Variants in FLII observed in about 807,000 individuals in gnomAD.
The protein encoded by FLII is FLII actin remodeling protein.
A neutral mutation model predicts 156.2 loss-of-function variants in FLII; 101 were observed. The observed-to-expected ratio is 0.65, with a 90% CI of 0.55 to 0.76. FLII has a LOEUF of 0.76. FLII is among the 30% of genes least tolerant of loss of function. The pLI is 0.00. For missense variants in FLII, 1,675 were observed against 1,682.8 expected (o/e 1.00, Z 0.08); for synonymous variants, 767 against 685.8 (o/e 1.12, Z -1.85).
At chr17:18,254,466 C>G in intron 6 of FLII, 55 bp downstream of exon 6, 1 of 1,525,714 alleles carries the variant, frequency 6.6e-7, no homozygotes, top group South Asian at 1.2e-5. Flanking sequence ...TGAAGGGGCC[C>G]GGCCAGACTC....
rs1454971563 is a variant in FLII, at chr17:18,245,971, A to G, written c.3359T>C (p.Ile1120Thr). Residue 1120 changes from isoleucine to threonine, a missense_variant, in exon 26 of 30, where the codon ATC becomes ACC. Ile to Thr is a moderately conservative substitution (Grantham distance 89). Transcript: ENST00000327031. ...GGAGGTGTCAAACATGGTGTTCAGG[A>G]TGTCTTCTGCCAACTTGGCTTCGTC... ...DPDEAKLAED[I>T]LNTMFDTSYS... 6.2e-7 allele frequency: 1 copy of G among 1,613,956 alleles called. No homozygotes were observed.
chr17:18,256,885 C>T, intron 2 of FLII, 24 bp downstream of exon 2: 4 of 1,525,328 alleles, frequency 2.6e-6, no homozygotes, highest in East Asian at 2.4e-5. Context: ...AGGGACCCTC[C>T]CCTGCCCGCC....
rs755706636 is a variant in FLII, at chr17:18,245,441, T to G, written c.3610-22A>C. ...AGACCTGTGGGGGCAGCAGGGGAGATACGGTTGCATGGGTGCCTGGGAACA... is the reference window on the plus strand; with the variant it reads ...AGACCTGTGGGGGCAGCAGGGGAGAGACGGTTGCATGGGTGCCTGGGAACA... On this transcript the variant is annotated intron_variant, in intron 28 of 29. Transcript: ENST00000327031. 12 of 1,613,564 alleles carry G rather than the reference T, an allele frequency of 7.4e-6. No homozygotes were observed. In the Admixed American group the frequency reaches 2.0e-4, roughly 27 times the overall value.
In FLII at chr17:18,245,924, GCCT is replaced by G; in HGVS notation, c.3396+7_3396+9del. 6.2e-7 allele frequency: 1 copy of G among 1,613,908 alleles called. No individual in the cohort carries two copies. Among genetic ancestry groups the G allele is most frequent in the Non-Finnish European group, 8.5e-7 (1 of 1,179,936 alleles). ...TCTGTGTGTGCCCGCCTGCCCGCCC[GCCT>G]CCTGACCTGCTTGCTGTAGGAGGTG... is the stretch of plus-strand genomic sequence containing the variant. On this transcript the variant is annotated splice_region_variant and intron_variant, in intron 26 of 29. Transcript: ENST00000327031.
intron 14 of FLII, 93 bp downstream of exon 14, chr17:18,250,745 C>T: frequency 7.3e-7 from 1 of 1,371,624 alleles, no homozygotes; most frequent in Non-Finnish European, 1.0e-6. Flanking sequence ...GCCTGCCCAC[C>T]TGTTCTGCCT....
intron 9 of FLII, among the ~76,000 whole-genome samples, chr17:18,252,770 TCATGTGGCCTTG>T (rs1238561056): frequency 6.6e-6 from 1 of 152,224 alleles, no homozygotes; most frequent in Non-Finnish European, 1.5e-5. Context: ...CGTTCCCACG[TCATGTGGCCTTG>T]TCCCTAACAG....
chr17:18,258,601 G>A lies in FLII; in HGVS notation c.63+27C>T. Reference sequence around the variant, plus strand: ...GGCGGAAGAGAAGGCCTGCAGGGAGGCCCGGCACGCGCCCGGCCCGGCTCA... The same window carrying A: ...GGCGGAAGAGAAGGCCTGCAGGGAGACCCGGCACGCGCCCGGCCCGGCTCA... On this transcript the variant is annotated intron_variant, in intron 1 of 29. Coordinates refer to ENST00000327031, the MANE Select transcript of FLII (RefSeq NM_002018.4). This position sits in a 1 kb window ranked among gnomAD's most constrained non-coding sequence, Gnocchi z 4.2. 6.5e-7 allele frequency: 1 copy of A among 1,545,506 alleles called. No individual in the cohort carries two copies. Among genetic ancestry groups the A allele is most frequent in the Non-Finnish European group, 8.7e-7 (1 of 1,155,036 alleles).
Position 18,251,451 on chromosome 17 carries a change from GCTGGGGGCCCGGGCATCTGCGCTCTC to G in FLII, c.1384_1409del (p.Glu462ArgfsTer16). On this transcript the variant is annotated frameshift_variant and splice_region_variant, in exon 13 of 30. Transcript: ENST00000327031. LOFTEE classifies it high-confidence loss of function. ...CCTGGTCCCAACGCCGCACCTTCCC[GCTGGGGGCCCGGGCATCTGCGCTCTC>G]CTGGGGGCAGAGTCACAGAGCACGG... 1 of 1,608,460 alleles carries G rather than the reference GCTGGGGGCCCGGGCATCTGCGCTCTC, an allele frequency of 6.2e-7. No homozygotes were observed. Among genetic ancestry groups the G allele is most frequent in the African/African-American group, 1.3e-5 (1 of 74,864 alleles).
chr17:18,256,744 C>A, intron 2 of FLII, 147 bp from the exon 3 acceptor site: 2 of 810,066 alleles, frequency 2.5e-6, no homozygotes, highest in South Asian at 1.6e-5. Context: ...CTCACCCGGC[C>A]TCTTCTTGCA....
In FLII at chr17:18,252,132, C is replaced by G; in HGVS notation, c.1113G>C (p.Arg371=). 1.9e-6 allele frequency: 3 copies of G among 1,613,296 alleles called. No homozygotes were observed. The highest frequency in any genetic ancestry group is 2.5e-6 in the Non-Finnish European group (3 of 1,180,008). Residue 371 remains arginine, a synonymous_variant, in exon 11 of 30, where the codon CGG becomes CGC. Transcript: ENST00000327031. The part of the protein sequence containing the change: ...FLTEIEVLDV[R]ENPNLVMPPK... ...GCGGCATGACCAGGTTGGGGTTCTCCCGCACATCCAGGACCTGCCCCATAG... is the reference window on the plus strand; with the variant it reads ...GCGGCATGACCAGGTTGGGGTTCTCGCGCACATCCAGGACCTGCCCCATAG...
chr17:18,246,873 C>G, intron 22 of FLII, 40 bp downstream of exon 22: 1 of 1,613,990 alleles, frequency 6.2e-7, no homozygotes, highest in Non-Finnish European at 8.5e-7. Flanking sequence ...GCCCCCAGCA[C>G]CAGGGGAGGG....
rs372314598 is a variant in FLII at position 18,246,900 on chromosome 17, G to T, written c.2816+13C>A. On this transcript the variant is annotated intron_variant, in intron 22 of 29. Transcript: ENST00000327031. ...AGGGGAGGGACTTGGGGAAGGGAGT[G>T]CTGAGGTGGTACCTGCAGAGGAAGA... 1 of 1,614,178 alleles carries T rather than the reference G, an allele frequency of 6.2e-7. No individual in the cohort carries two copies. The highest frequency in any genetic ancestry group is 1.1e-5 in the South Asian group (1 of 91,080).
intron 10 of FLII, 66 bp downstream of exon 10, chr17:18,252,406 C>A: frequency 6.7e-7 from 1 of 1,490,516 alleles, no homozygotes; most frequent in South Asian, 1.1e-5. Context: ...CTGCTGGGTC[C>A]CCCTTGCTCC....
intron 4 of FLII, 106 bp downstream of exon 4, chr17:18,255,077 T>G: frequency 2.0e-6 from 2 of 1,024,022 alleles, no homozygotes; most frequent in Non-Finnish European, 3.1e-6. Flanking sequence ...AGACTCAGTT[T>G]TCCCATCTGC....
At chr17:18,250,325 G>A (rs1264815733) in intron 14 of FLII, among the ~76,000 whole-genome samples, 2 of 152,156 alleles carry the variant, frequency 1.3e-5, no homozygotes, top group Admixed American at 6.5e-5. Flanking sequence ...GGCGGGTGGG[G>A]TGTGTGCATA....
At position 18,245,624 on chromosome 17, in the gene FLII, C is replaced by T; in HGVS notation, c.3540G>A (p.Glu1180=). 1 of 1,613,966 alleles carries T rather than the reference C, an allele frequency of 6.2e-7. No individual in the cohort carries two copies. Among genetic ancestry groups the T allele is most frequent in the Non-Finnish European group, 8.5e-7 (1 of 1,180,024 alleles). The stretch of plus-strand genomic sequence containing the variant: ...CATCTTGGCAAAAGTCGGAGCATTT[C>T]TCAGTCACTGCAAAGTAGCCCTTCT... The part of the protein sequence containing the change: ...SNEKGYFAVT[E]KCSDFCQDDL... The change falls in exon 28 of 30, where the codon GAG becomes GAA. Residue 1180 remains glutamate, a synonymous_variant. Coordinates refer to ENST00000327031, the MANE Select transcript of FLII (RefSeq NM_002018.4).
Position 18,245,856 on chromosome 17 carries a change from G to T in FLII, c.3397-6C>A, listed in dbSNP as rs767576199. 22 of 1,613,846 alleles carry T rather than the reference G, an allele frequency of 1.4e-5. No homozygotes were observed. Among genetic ancestry groups the T allele is most frequent in the Non-Finnish European group, 1.8e-5 (21 of 1,179,962 alleles). ...TCCTCACCTTCGTTGATAACCTGCG[G>T]GAAAGGCCAGTCCAGCCCAGGGCCC... On this transcript the variant is annotated splice_region_variant and splice_polypyrimidine_tract_variant and intron_variant, in intron 26 of 29. Transcript: ENST00000327031.
chr17:18,253,522 C>G (rs769816776), intron 8 of FLII, 22 bp downstream of exon 8: 3 of 1,613,126 alleles, frequency 1.9e-6, no homozygotes, highest in Non-Finnish European at 1.7e-6. Context: ...TCCCATCCCC[C>G]TACTGAGGGC....
Position 18,255,268 on chromosome 17 carries a change from G to T in FLII, c.247-5C>A. On this transcript the variant is annotated splice_region_variant and splice_polypyrimidine_tract_variant and intron_variant, in intron 3 of 29. Coordinates refer to ENST00000327031, the MANE Select transcript of FLII (RefSeq NM_002018.4). ...GTTGGCTCGGGCCACGATGGCCTGG[G>T]AATAAACCATAAGAGTCTATAATTC... 6.2e-7 allele frequency: 1 copy of T among 1,611,990 alleles called. No homozygotes were observed. The highest frequency in any genetic ancestry group is 8.5e-7 in the Non-Finnish European group (1 of 1,178,190).
Sources: gnomAD v4.1 joint callset for allele counts (sites outside exome capture counted in the v4.1 genomes callset) on GRCh38, gnomAD v4.1.1 for gene constraint, Gnocchi (gnomAD v3.1) non-coding constraint, MANE v1.5 for transcripts, NCBI Gene and HGNC (gene_info 2026-07-23, HGNC 2026-07-21) for gene names.